Variants in IFT52 observed in about 807,000 individuals in gnomAD.
IFT52 encodes the protein intraflagellar transport 52, also known as intraflagellar transport protein 52 homolog.
A neutral mutation model predicts 54.4 loss-of-function variants in IFT52; 44 were observed. The ratio of observed to expected loss-of-function variants is 0.81; its 90% confidence interval spans 0.63 to 1.04. The LOEUF (loss-of-function observed/expected upper bound fraction) is 1.04. IFT52 is among the 50% of genes least tolerant of loss of function. IFT52 has a pLI of 0.00. For missense variants in IFT52, 452 were observed against 523.6 expected (o/e 0.86, Z 1.33); for synonymous variants, 181 against 185.3 (o/e 0.98, Z 0.19).
rs1984068684 is a variant in IFT52 at position 43,618,964 on chromosome 20, CTTGG to C, written c.640_643del (p.Gly214HisfsTer33). ...GAACCAAGGTGGGAAGCTGGCAGTGCTTGGTTCATGTCACATGTTCAGTGATCAA... is the reference window on the plus strand; with the variant it reads ...GAACCAAGGTGGGAAGCTGGCAGTGCTTCATGTCACATGTTCAGTGATCAA... On this transcript the variant is annotated frameshift_variant, in exon 8 of 14. Coordinates refer to ENST00000373030, the MANE Select transcript of IFT52 (RefSeq NM_016004.5). LOFTEE classifies it high-confidence loss of function. 1.2e-6 allele frequency: 2 copies of C among 1,613,896 alleles called. No homozygotes were observed. Among genetic ancestry groups the C allele is most frequent in the Admixed American group, 3.3e-5 (2 of 59,984 alleles).
chr20:43,596,981 T>G (rs1306172073), intron 3 of IFT52, among the ~76,000 whole-genome samples: 1 of 151,640 alleles, frequency 6.6e-6, no homozygotes, highest in African/African-American at 2.4e-5. Context: ...GACCTTGTGA[T>G]CTGCCTACCT....
chr20:43,607,837 T>C (rs1052013779), intron 6 of IFT52, among the ~76,000 whole-genome samples: 2 of 152,130 alleles, frequency 1.3e-5, no homozygotes, highest in Admixed American at 6.6e-5. Flanking sequence ...ATCACGCCAC[T>C]GCACTCCAGC....
At chr20:43,605,576 C>G (rs1288584104) in intron 6 of IFT52, among the ~76,000 whole-genome samples, 1 of 151,870 alleles carries the variant, frequency 6.6e-6, no homozygotes, top group Non-Finnish European at 1.5e-5. Context: ...ATTTAGATTT[C>G]TAGGTTTTTT....
At chr20:43,628,382 A>G (rs1033753466) in intron 10 of IFT52, among the ~76,000 whole-genome samples, 2 of 152,178 alleles carry the variant, frequency 1.3e-5, no homozygotes, top group Non-Finnish European at 2.9e-5. Flanking sequence ...GGCTCCACCC[A>G]GTTCAGACTT....
chr20:43,608,555 C>T (rs771839848), intron 6 of IFT52, among the ~76,000 whole-genome samples: 1 of 151,844 alleles, frequency 6.6e-6, no homozygotes, highest in Non-Finnish European at 1.5e-5. Context: ...AAATATTTTA[C>T]CCAGTAAAAA....
intron 6 of IFT52, among the ~76,000 whole-genome samples, chr20:43,612,678 T>G (rs1247100815): frequency 6.9e-6 from 1 of 145,038 alleles, no homozygotes; most frequent in Non-Finnish European, 1.5e-5. Context: ...GGCAACAAAG[T>G]GAGATCCTGT....
At chr20:43,632,494 C>A (rs1417306915) in intron 10 of IFT52, among the ~76,000 whole-genome samples, 1 of 152,132 alleles carries the variant, frequency 6.6e-6, no homozygotes, top group African/African-American at 2.4e-5. Flanking sequence ...CTCCTGACCT[C>A]AGGTGATCCA....
intron 2 of IFT52, among the ~76,000 whole-genome samples, chr20:43,595,179 G>A (rs1221158184): frequency 6.6e-6 from 1 of 152,004 alleles, no homozygotes; most frequent in Non-Finnish European, 1.5e-5. Flanking sequence ...TTAGCGAAGT[G>A]TGGTGGTGGG....
At chr20:43,614,322 C>T (rs886608341) in intron 7 of IFT52, among the ~76,000 whole-genome samples, 36 of 151,664 alleles carry the variant, frequency 2.4e-4, no homozygotes, top group African/African-American at 8.7e-4. Flanking sequence ...GCAAGCTCCA[C>T]CTCCCGGGTT....
chr20:43,624,023 A>G lies in IFT52; in HGVS notation c.901A>G (p.Thr301Ala). Residue 301 changes from threonine to alanine, a missense_variant, in exon 10 of 14, where the codon ACC becomes GCC. Thr to Ala is a moderately conservative substitution (Grantham distance 58). Coordinates refer to ENST00000373030, the MANE Select transcript of IFT52 (RefSeq NM_016004.5). ...FDLSIFQLDT[T>A]SFHSVIEAHE... is the part of the protein sequence containing the mutation. ...CCTGTCCATCTTCCAGCTGGATACC[A>G]CCTCCTTCCACAGCGTCATCGAGTC... The G allele has an allele frequency of 2.5e-6, 4 of 1,613,566 alleles. No individual in the cohort carries two copies. In the South Asian group the frequency reaches 4.4e-5, roughly 18 times the overall value.
intron 3 of IFT52, among the ~76,000 whole-genome samples, chr20:43,601,727 G>A (rs1319377949): frequency 6.6e-6 from 1 of 152,184 alleles, no homozygotes; most frequent in Non-Finnish European, 1.5e-5. Context: ...GACCTGGCTT[G>A]CTATTATCAG....
intron 6 of IFT52, among the ~76,000 whole-genome samples, chr20:43,607,188 A>T (rs1435685298): frequency 6.8e-6 from 1 of 148,108 alleles, no homozygotes; most frequent in Non-Finnish European, 1.5e-5. Flanking sequence ...CACCTCCTGG[A>T]TGGGGCGGCT....
Position 43,636,008 on chromosome 20 carries a change from C to A in IFT52, c.1006C>A (p.Pro336Thr). Reference sequence around the variant, plus strand: ...TGAGACGCCGCTGCCAACCCTTCAGCCTGCGGTGAGTAGGTGTGCTTGGGA... The same window carrying A: ...TGAGACGCCGCTGCCAACCCTTCAGACTGCGGTGAGTAGGTGTGCTTGGGA... ...QFETPLPTLQ[P>T]AVFPPSFREL... The change falls in exon 11 of 14, where the codon CCT becomes ACT. Residue 336 changes from proline to threonine, a missense_variant. Pro to Thr is a conservative substitution (Grantham distance 38). Coordinates refer to ENST00000373030, the MANE Select transcript of IFT52 (RefSeq NM_016004.5). 6.2e-7 allele frequency: 1 copy of A among 1,614,084 alleles called. No homozygotes were observed. The highest frequency in any genetic ancestry group is 8.5e-7 in the Non-Finnish European group (1 of 1,179,942).
chr20:43,615,594 A>G (rs1199751804), intron 7 of IFT52, among the ~76,000 whole-genome samples: 3 of 152,046 alleles, frequency 2.0e-5, no homozygotes, highest in African/African-American at 7.2e-5. Context: ...ACTTGAGGTC[A>G]GGAGTCCAAG....
chr20:43,642,757 A>C, intron 13 of IFT52, 133 bp downstream of exon 13: 1 of 826,346 alleles, frequency 1.2e-6, no homozygotes. Flanking sequence ...GGTGAACAAA[A>C]CAGACAATAA....
rs1600513857 is a variant in IFT52, at chr20:43,637,016, T to G, written c.1012-129T>G. ...GTTCCCAACTGAGGAATTAAGGATG[T>G]GAACTTCCTTATTCTCCTTGTGTCT... is the stretch of plus-strand genomic sequence containing the variant. On this transcript the variant is annotated intron_variant, in intron 11 of 13. Transcript: ENST00000373030. 6.5e-6 allele frequency: 4 copies of G among 612,168 alleles called. No individual in the cohort carries two copies. In the East Asian group the frequency reaches 1.3e-4, roughly 20 times the overall value. The allele number at this position is 612,168 out of a possible 1,614,324, so 37.9% of individuals were successfully genotyped here.
chr20:43,633,211 C>T lies in IFT52; in HGVS notation c.924-2715C>T, dbSNP rs968915431. Among the ~76,000 whole-genome samples the T allele has an allele frequency of 9.2e-5, 14 of 151,752 alleles. No homozygotes were observed. In the East Asian group the frequency reaches 1.2e-3, roughly 13 times the overall value. ...ATACAAAATTAGCCGGGCATGGTGG[C>T]GCATGCCTGTAATCCCAGCTACTCG... is the stretch of plus-strand genomic sequence containing the variant. On this transcript the variant is annotated intron_variant, in intron 10 of 13. Coordinates refer to ENST00000373030, the MANE Select transcript of IFT52 (RefSeq NM_016004.5).
Position 43,603,979 on chromosome 20 carries a change from A to G in IFT52, c.337+90A>G. ...CTCTAGGTCCAGTGGCATAATGGAA[A>G]AAGCCCTGGGCTGTGTGTGCGTGTT... On this transcript the variant is annotated intron_variant, in intron 4 of 13. Transcript: ENST00000373030. The G allele has an allele frequency of 3.8e-6, 4 of 1,062,880 alleles. No homozygotes were observed. In the South Asian group the frequency reaches 4.2e-5, roughly 11 times the overall value. 65.8% of individuals were successfully genotyped at this position (1,062,880 alleles called of 1,614,324 possible).
intron 10 of IFT52, among the ~76,000 whole-genome samples, chr20:43,627,592 A>C (rs1415588230): frequency 2.0e-5 from 3 of 152,238 alleles, no homozygotes; most frequent in Non-Finnish European, 4.4e-5. Context: ...GGATGGAAGA[A>C]GTCACAGGAT....
Sources: gnomAD v4.1 joint callset for allele counts (sites outside exome capture counted in the v4.1 genomes callset) on GRCh38, gnomAD v4.1.1 for gene constraint, MANE v1.5 for transcripts, NCBI Gene and HGNC (gene_info 2026-07-23, HGNC 2026-07-21) for gene names.